Variants in MALRD1 observed in about 807,000 individuals in gnomAD.
The protein encoded by MALRD1 is MAM and LDL-receptor class A domain-containing protein 1.
In MALRD1, 247 loss-of-function variants were observed where a neutral mutation model predicts 242.1. That is an observed-to-expected ratio of 1.02 (90% CI 0.92 to 1.13). The LOEUF is 1.13. Among genes scored for constraint, MALRD1 ranks in the 50% most tolerant of loss-of-function variants. The pLI, the probability that MALRD1 is intolerant of heterozygous loss-of-function variation, is 0.00. For synonymous variants in MALRD1, 995 were observed against 866.6 expected, an observed-to-expected ratio of 1.15 and a Z score of -2.60; for missense variants, 2,989 against 2,533.1, an observed-to-expected ratio of 1.18 and a Z score of -3.86.
At chr10:19,530,496 A>G (rs1354330962) in intron 31 of MALRD1, among the ~76,000 whole-genome samples, 1 of 140,914 alleles carries the variant, frequency 7.1e-6, no homozygotes, top group Non-Finnish European at 1.5e-5. Context: ...ATAAATAAAT[A>G]TAAATATATT....
rs968238835 is a variant in MALRD1 at position 19,418,345 on chromosome 10, A to T, written c.4845+28736A>T. On this transcript the variant is annotated intron_variant, in intron 28 of 39. Transcript: ENST00000454679. ...AAGATTTTAAACTAAAAATAATTTT[A>T]AAAAAAGATTATGTTTTTCAAGCTA... Among the ~76,000 whole-genome samples, 10 of 152,158 alleles carry T rather than the reference A, an allele frequency of 6.6e-5. No individual in the cohort carries two copies. In the South Asian group the frequency reaches 8.3e-4, roughly 13 times the overall value.
At chr10:19,389,252 T>G in intron 27 of MALRD1, 200 bp from the exon 28 acceptor site, 1 of 691,086 alleles carries the variant, frequency 1.4e-6, no homozygotes. Context: ...AAGCACGTGC[T>G]AAAAGCACAG....
At chr10:19,695,021 A>G (rs1040888866) in intron 38 of MALRD1, among the ~76,000 whole-genome samples, 1 of 152,256 alleles carries the variant, frequency 6.6e-6, no homozygotes, top group East Asian at 1.9e-4. Context: ...GAACTGAACA[A>G]TGAGAACACT....
chr10:19,410,128 C>T (rs909619489), intron 28 of MALRD1, among the ~76,000 whole-genome samples: 3 of 152,218 alleles, frequency 2.0e-5, no homozygotes, highest in East Asian at 3.9e-4. Context: ...ACATGGATAA[C>T]GTCCATGACT....
intron 28 of MALRD1, among the ~76,000 whole-genome samples, chr10:19,446,264 G>T (rs149754197): frequency 3.3e-5 from 5 of 152,090 alleles, no homozygotes; most frequent in African/African-American, 1.2e-4. Flanking sequence ...CCCTGCTTCA[G>T]CTTACACTCT....
chr10:19,070,472 G>A (rs1468367862), intron 2 of MALRD1, among the ~76,000 whole-genome samples: 2 of 152,080 alleles, frequency 1.3e-5, no homozygotes, highest in Admixed American at 1.3e-4. Context: ...ATCCTAAGTG[G>A]AACCATTGTA....
intron 14 of MALRD1, among the ~76,000 whole-genome samples, chr10:19,175,874 G>T (rs1398007829): frequency 6.6e-6 from 1 of 152,074 alleles, no homozygotes; most frequent in Admixed American, 6.5e-5. Flanking sequence ...ATTTTTTGGA[G>T]AGAATATCAA....
At chr10:19,690,830 C>G (rs530154814) in intron 36 of MALRD1, among the ~76,000 whole-genome samples, 3 of 151,704 alleles carry the variant, frequency 2.0e-5, no homozygotes, top group Non-Finnish European at 2.9e-5. Flanking sequence ...GATAGATAGA[C>G]AGACAGACAG....
At chr10:19,440,314 T>C (rs1834564026) in intron 28 of MALRD1, among the ~76,000 whole-genome samples, 2 of 152,284 alleles carry the variant, frequency 1.3e-5, no homozygotes, top group Admixed American at 1.3e-4. Context: ...TTTGTTCTTA[T>C]GAGGGTTTTT....
intron 14 of MALRD1, among the ~76,000 whole-genome samples, chr10:19,186,986 G>T (rs2131575628): frequency 6.6e-6 from 1 of 152,176 alleles, no homozygotes; most frequent in East Asian, 1.9e-4. Context: ...ACCACTGTAG[G>T]GAGTGAAATG....
At chr10:19,114,502 T>G (rs1037627887) in intron 5 of MALRD1, among the ~76,000 whole-genome samples, 7 of 152,070 alleles carry the variant, frequency 4.6e-5, no homozygotes, top group African/African-American at 1.7e-4. Context: ...CTGGGCATGA[T>G]GGCGTGCAGC....
intron 36 of MALRD1, among the ~76,000 whole-genome samples, chr10:19,684,174 A>G (rs950175486): frequency 6.6e-6 from 1 of 152,196 alleles, no homozygotes; most frequent in Non-Finnish European, 1.5e-5. Flanking sequence ...TATGGTCAAC[A>G]GAGCCAAAGT....
intron 28 of MALRD1, among the ~76,000 whole-genome samples, chr10:19,427,683 G>T (rs56974026): frequency 0.092 from 14,058 of 152,070 alleles, 1,155 homozygotes; most frequent in African/African-American, 0.22. Flanking sequence ...AAATAATAGG[G>T]CTTCTAGGGG....
At chr10:19,289,776 G>T (rs549390432) in intron 21 of MALRD1, among the ~76,000 whole-genome samples, 3 of 151,984 alleles carry the variant, frequency 2.0e-5, no homozygotes, top group Non-Finnish European at 4.4e-5. Context: ...TCTCTCTCAG[G>T]CATCTTGCTA....
At chr10:19,101,403 T>G (rs10740842) in intron 4 of MALRD1, among the ~76,000 whole-genome samples, 84,542 of 140,140 alleles carry the variant, frequency 0.6, 26,732 homozygotes, top group African/African-American at 0.81. Flanking sequence ...ATTGTATTAT[T>G]CATATATTAT....
chr10:19,213,732 A>T (rs771550145), intron 18 of MALRD1, among the ~76,000 whole-genome samples: 1 of 152,116 alleles, frequency 6.6e-6, no homozygotes. Context: ...TTGTGTCTGG[A>T]TGTCAGATAT....
chr10:19,531,328 C>T lies in MALRD1; in HGVS notation c.5455C>T (p.Pro1819Ser). 2 of 1,546,138 alleles carry T rather than the reference C, an allele frequency of 1.3e-6. No individual in the cohort carries two copies. The highest frequency in any genetic ancestry group is 1.7e-6 in the Non-Finnish European group (2 of 1,143,916). Residue 1819 changes from proline to serine, a missense_variant, in exon 32 of 40, where the codon CCC becomes TCC. Coordinates refer to ENST00000454679, the MANE Select transcript of MALRD1 (RefSeq NM_001142308.3). Reference protein sequence around the residue: ...TVRFWFYMIDPRSMGILKVYT... With the variant: ...TVRFWFYMIDSRSMGILKVYT... ...TCGGTTCTGGTTCTACATGATTGAT[C>T]CCAGGAGTATGGGAATATTAAAGGT... is the stretch of plus-strand genomic sequence containing the variant.
chr10:19,250,795 G>A (rs542016734), intron 18 of MALRD1, among the ~76,000 whole-genome samples: 3 of 151,876 alleles, frequency 2.0e-5, no homozygotes, highest in African/African-American at 7.2e-5. Flanking sequence ...GTAAAGATCA[G>A]CTCCCCACAT....
At chr10:19,222,403 A>G (rs1024202124) in intron 18 of MALRD1, among the ~76,000 whole-genome samples, 8 of 152,092 alleles carry the variant, frequency 5.3e-5, no homozygotes, top group African/African-American at 1.9e-4. Flanking sequence ...CAACTGTGGG[A>G]TTTGCCATTT....
Sources: allele counts gnomAD v4.1 joint callset (sites outside exome capture counted in the v4.1 genomes callset), GRCh38; gene constraint gnomAD v4.1.1; transcripts MANE v1.5; gene names NCBI Gene and HGNC (gene_info 2026-07-23, HGNC 2026-07-21).